ZNF75D: variants seen among roughly 807,000 people sequenced by gnomAD.
The protein encoded by ZNF75D is zinc finger protein 75D, also known as zinc finger protein 75.
In ZNF75D, 33 loss-of-function variants were observed where a neutral mutation model predicts 33.3. The ratio of observed to expected loss-of-function variants is 0.99; its 90% CI spans 0.75 to 1.32. The LOEUF is 1.32. Among genes scored for constraint, ZNF75D ranks in the 40% most tolerant of loss-of-function variants. The pLI, the probability that ZNF75D is intolerant of heterozygous loss-of-function variation, is 0.00. For missense variants in ZNF75D, 338 were observed against 367.5 expected (o/e 0.92, Z 0.66); for synonymous variants, 113 against 130.6 (o/e 0.87, Z 0.92).
intron 4 of ZNF75D, 105 bp downstream of exon 4, chrX:135,292,176 T>A: frequency 1.2e-6 from 1 of 816,137 alleles, no homozygotes; most frequent in Non-Finnish European, 1.8e-6. Flanking sequence ...GGAGACATCA[T>A]AGCTGCTAGC....
At chrX:135,312,357 G>A (rs782806079) in intron 1 of ZNF75D, among the ~76,000 whole-genome samples, 23 of 111,185 alleles carry the variant, frequency 2.1e-4, no homozygotes, top group African/African-American at 7.5e-4. Context: ...AGTATTCCAT[G>A]GGTGTATATA....
chrX:135,268,603 C>A (rs781794649), intron 1 of ZNF75D, among the ~76,000 whole-genome samples: 3 of 110,245 alleles, frequency 2.7e-5, no homozygotes, highest in African/African-American at 9.9e-5. Flanking sequence ...GAAGACAACA[C>A]AAAATAATAG....
At position 135,286,456 on chromosome X, in the gene ZNF75D, G is replaced by C. The variant is rs1258666122; in HGVS notation, c.*681C>G. The C allele has an allele frequency of 1.8e-5, 2 of 112,400 alleles. No individual in the cohort carries two copies. Among genetic ancestry groups the C allele is most frequent in the Non-Finnish European group, 3.8e-5 (2 of 53,278 alleles). 9.3% of individuals were successfully genotyped at this position (112,400 alleles called of 1,213,427 possible). ...TCTATGTTGACAAAGTCAGCAAGAG[G>C]AGAGATATCAAGTGCTTGCAAGGTC... On this transcript the variant is annotated 3_prime_UTR_variant, in exon 7 of 7. Transcript: ENST00000370766.
At chrX:135,307,377 G>A (rs979146581) in intron 1 of ZNF75D, among the ~76,000 whole-genome samples, 5 of 110,687 alleles carry the variant, frequency 4.5e-5, no homozygotes, top group Non-Finnish European at 9.5e-5. Flanking sequence ...CAGTGTGCAG[G>A]CAAGCCACAT....
intron 1 of ZNF75D, among the ~76,000 whole-genome samples, chrX:135,273,184 C>G (rs192531116): frequency 2.7e-5 from 3 of 111,417 alleles, no homozygotes; most frequent in Non-Finnish European, 3.8e-5. Flanking sequence ...CCCTCTCTCT[C>G]TCTTTTCCTT....
intron 1 of ZNF75D, among the ~76,000 whole-genome samples, chrX:135,256,562 G>T (rs1434827554): frequency 2.7e-5 from 3 of 111,636 alleles, no homozygotes; most frequent in African/African-American, 9.8e-5. Flanking sequence ...GGCAGTCTAG[G>T]ACACAACGAC....
At chrX:135,328,587 G>A in intron 1 of ZNF75D, among the ~76,000 whole-genome samples, 1 of 111,830 alleles carries the variant, frequency 8.9e-6, no homozygotes, top group South Asian at 3.8e-4. Context: ...GCTCAGCTGA[G>A]GAGGGTGAGT....
chrX:135,282,352 G>A (rs892064285), downstream of ZNF75D, among the ~76,000 whole-genome samples: 1 of 111,610 alleles, frequency 9.0e-6, no homozygotes, highest in Non-Finnish European at 1.9e-5. Flanking sequence ...CATCAAGCTC[G>A]AGCGTACCAG....
chrX:135,257,507 CA>C (rs1556414456), intron 1 of ZNF75D, among the ~76,000 whole-genome samples: 1 of 113,363 alleles, frequency 8.8e-6, no homozygotes, highest in Non-Finnish European at 1.9e-5. Flanking sequence ...TCGAACAAAA[CA>C]AAAGGTAAAT....
At chrX:135,271,266 C>T (rs782773581) in intron 1 of ZNF75D, among the ~76,000 whole-genome samples, 39 of 111,621 alleles carry the variant, frequency 3.5e-4, no homozygotes, top group African/African-American at 1.3e-3. Context: ...GAAGAAACAA[C>T]GGTATTAGGG....
At chrX:135,300,810 G>A in intron 1 of ZNF75D, among the ~76,000 whole-genome samples, 1 of 111,056 alleles carries the variant, frequency 9.0e-6, no homozygotes, top group South Asian at 3.8e-4. Flanking sequence ...TTCTTAAGTA[G>A]GGGATGACAA....
At chrX:135,321,438 G>A (rs1405550439) in intron 1 of ZNF75D, among the ~76,000 whole-genome samples, 3 of 112,425 alleles carry the variant, frequency 2.7e-5, no homozygotes, top group Non-Finnish European at 3.8e-5. Flanking sequence ...TGTAGGAAGA[G>A]AAGCAATTAG....
chrX:135,287,837 A>G lies in ZNF75D; in HGVS notation c.833T>C (p.Leu278Pro), dbSNP rs1556420229. 5.9e-6 allele frequency: 7 copies of G among 1,195,451 alleles called. No individual in the cohort carries two copies. ...ATGATCATTTCCAGTGTCATTTTTT[A>G]GCTTTAACCCTGTTAGAATAAACAG... The part of the protein sequence containing the change: ...YETVISLGLK[L>P]KNDTGNDHPI... Residue 278 changes from leucine (L) to proline (P), a missense_variant, in exon 7 of 7, where the codon CTA (leucine) becomes CCA (proline). Physicochemically the swap from Leu to Pro is moderately conservative, Grantham distance 98. This residue lies in a region of ZNF75D where 254 missense variants were observed against 267.7 expected (regional missense o/e 0.95). Coordinates refer to ENST00000370766, the MANE Select transcript of ZNF75D (RefSeq NM_007131.5).
In ZNF75D at chrX:135,294,153, C is replaced by T. The variant is rs1776265097; in HGVS notation, c.-13G>A. Reference sequence around the variant, plus strand: ...CTCTCATCGCCATTTGCTCTAGGAACAGTTTTACTCTTGTATGTGACACTG... The same window carrying T: ...CTCTCATCGCCATTTGCTCTAGGAATAGTTTTACTCTTGTATGTGACACTG... On this transcript the variant is annotated 5_prime_UTR_variant, in exon 3 of 7. Transcript: ENST00000370766. 1 of 1,166,731 alleles carries T rather than the reference C, an allele frequency of 8.6e-7. No homozygotes were observed.
intron 2 of ZNF75D, among the ~76,000 whole-genome samples, chrX:135,295,333 C>CA (rs1948168467): frequency 8.9e-6 from 1 of 111,827 alleles, no homozygotes; most frequent in African/African-American, 3.3e-5. Context: ...CATAAGCCAT[C>CA]AAAAATCAGG....
At chrX:135,325,418 C>T (rs1164103491) in intron 1 of ZNF75D, among the ~76,000 whole-genome samples, 1 of 111,204 alleles carries the variant, frequency 9.0e-6, no homozygotes, top group East Asian at 2.9e-4. Flanking sequence ...CTGGCCAAGG[C>T]CAGAGCCGGC....
At position 135,337,668 on chromosome X, in the gene ZNF75D, G is replaced by T. The variant is rs782019273; in HGVS notation, c.-391+4100C>A. Among the ~76,000 whole-genome samples the T allele has an allele frequency of 1.5e-4, 17 of 111,070 alleles. No homozygotes were observed. In the East Asian group the frequency reaches 4.8e-3, roughly 31 times the overall value. ...AATGGAGGAGTGCATTAGGTAAATG[G>T]TGTCAGAGGAGGTAAATATTGGAAT... On this transcript the variant is annotated intron_variant, in intron 1 of 6. Transcript: ENST00000370766.
At chrX:135,308,281 T>C (rs1556426343) in intron 1 of ZNF75D, among the ~76,000 whole-genome samples, 2 of 112,142 alleles carry the variant, frequency 1.8e-5, no homozygotes, top group Non-Finnish European at 3.8e-5. Flanking sequence ...AGAGAGAGTG[T>C]GCTAAGGAAA....
chrX:135,295,602 G>A (rs2084115855), intron 2 of ZNF75D, among the ~76,000 whole-genome samples, 166 bp downstream of exon 2: 1 of 112,183 alleles, frequency 8.9e-6, no homozygotes, highest in Admixed American at 9.3e-5. Context: ...CAGGCGACCT[G>A]CCGCCTGTCA....
Sources: gnomAD v4.1 joint callset for allele counts (sites outside exome capture counted in the v4.1 genomes callset) on GRCh38, gnomAD v4.1.1 for gene constraint, gnomAD v4.1.1 regional missense constraint, MANE v1.5 for transcripts, NCBI Gene and HGNC (gene_info 2026-07-23, HGNC 2026-07-21) for gene names.